Variants in TMEM131 observed in about 807,000 individuals in gnomAD.
The protein encoded by TMEM131 is transmembrane protein 131.
A neutral mutation model predicts 211.6 loss-of-function variants in TMEM131; 66 were observed. That is an observed-to-expected ratio of 0.31 (90% confidence interval 0.26 to 0.38). The LOEUF is 0.38. Ranked by LOEUF, TMEM131 falls within the 10% of genes least tolerant of loss-of-function variation. The pLI, the probability that TMEM131 is intolerant of heterozygous loss-of-function variation, is 1.00. For missense variants in TMEM131, 2,036 were observed against 2,299.3 expected (o/e 0.89, Z 2.34); for synonymous variants, 844 against 841.3 (o/e 1.00, Z -0.06).
chr2:97,963,934 T>G (rs1490766270), intron 1 of TMEM131, among the ~76,000 whole-genome samples: 1 of 152,246 alleles, frequency 6.6e-6, no homozygotes, highest in Non-Finnish European at 1.5e-5. Flanking sequence ...AATTAATATT[T>G]GGAAGAATAA....
chr2:97,826,028 G>A (rs987494447), intron 11 of TMEM131, among the ~76,000 whole-genome samples: 31 of 152,194 alleles, frequency 2.0e-4, no homozygotes, highest in Admixed American at 2.0e-3. Context: ...AGAGGATGGG[G>A]AACCAATCGA....
chr2:97,781,070 C>A (rs1307694059), intron 31 of TMEM131, among the ~76,000 whole-genome samples: 1 of 152,196 alleles, frequency 6.6e-6, no homozygotes, highest in East Asian at 1.9e-4. Flanking sequence ...TGCAATCATT[C>A]GGGTCTGTCT....
intron 4 of TMEM131, among the ~76,000 whole-genome samples, chr2:97,874,643 G>A (rs1178231433): frequency 6.6e-6 from 1 of 152,160 alleles, no homozygotes; most frequent in South Asian, 2.1e-4. Flanking sequence ...AAGTGAAGGA[G>A]AAATAAAATC....
At chr2:97,813,033 G>T (rs969017914) in intron 15 of TMEM131, among the ~76,000 whole-genome samples, 12 of 152,030 alleles carry the variant, frequency 7.9e-5, no homozygotes, top group African/African-American at 2.9e-4. Flanking sequence ...CTATGCTTTT[G>T]TATATATGCA....
intron 4 of TMEM131, among the ~76,000 whole-genome samples, chr2:97,882,119 A>C (rs181940386): frequency 1.3e-5 from 2 of 152,190 alleles, no homozygotes; most frequent in Non-Finnish European, 1.5e-5. Context: ...TTTCAACCAT[A>C]TCTCTCTTCA....
chr2:97,906,010 A>T (rs779108481), intron 3 of TMEM131, among the ~76,000 whole-genome samples: 3 of 152,224 alleles, frequency 2.0e-5, no homozygotes, highest in Non-Finnish European at 4.4e-5. Context: ...CTACTCTAAA[A>T]GAAAGCTGTG....
chr2:97,819,174 T>C (rs747373401), intron 11 of TMEM131, among the ~76,000 whole-genome samples: 1 of 152,198 alleles, frequency 6.6e-6, no homozygotes, highest in Non-Finnish European at 1.5e-5. Flanking sequence ...AAGGTAGTTC[T>C]GCACACTTCA....
At chr2:97,767,441 T>C (rs1269729351) in intron 33 of TMEM131, among the ~76,000 whole-genome samples, 1 of 152,200 alleles carries the variant, frequency 6.6e-6, no homozygotes, top group South Asian at 2.1e-4. Flanking sequence ...GCATTCTTTA[T>C]GAAGCCACAT....
At chr2:97,865,342 G>C (rs1674229149) in intron 4 of TMEM131, among the ~76,000 whole-genome samples, 1 of 152,238 alleles carries the variant, frequency 6.6e-6, no homozygotes, top group African/African-American at 2.4e-5. Flanking sequence ...GACAGGAATA[G>C]ATCTCCTTGT....
intron 1 of TMEM131, among the ~76,000 whole-genome samples, chr2:97,987,544 T>TA: frequency 6.6e-6 from 1 of 152,086 alleles, no homozygotes; most frequent in Non-Finnish European, 1.5e-5. Context: ...CACAAACTGT[T>TA]AGAACTAACG....
intron 31 of TMEM131, 41 bp from the exon 32 acceptor site, chr2:97,776,059 TTC>T: frequency 6.3e-7 from 1 of 1,580,350 alleles, no homozygotes; most frequent in Non-Finnish European, 8.6e-7. Context: ...TTGTTTTTGT[TTC>T]TTTTTTTTTT....
chr2:97,914,192 C>G (rs958849436), intron 2 of TMEM131, among the ~76,000 whole-genome samples: 2 of 152,148 alleles, frequency 1.3e-5, no homozygotes, highest in Admixed American at 6.5e-5. Context: ...CTGTGCTTCT[C>G]TGTGTGTATG....
At chr2:97,833,474 G>A in intron 10 of TMEM131, 48 bp from the exon 11 acceptor site, 1 of 876,832 alleles carries the variant, frequency 1.1e-6, no homozygotes, top group Non-Finnish European at 1.8e-6. Context: ...GTGCTTTTTA[G>A]CCAAGTTAGA....
chr2:97,813,910 G>T (rs936071150), intron 15 of TMEM131, 61 bp downstream of exon 15: 2 of 1,314,346 alleles, frequency 1.5e-6, no homozygotes. Context: ...TGCCTAATAA[G>T]ATCTGAAAAC....
Position 97,834,794 on chromosome 2 carries a change from A to G in TMEM131, c.936T>C (p.Val312=), listed in dbSNP as rs756307430. 5.6e-6 allele frequency: 9 copies of G among 1,613,670 alleles called. No individual in the cohort carries two copies. In the Admixed American group the frequency reaches 1.5e-4, roughly 27 times the overall value. ...SDSTEFIILP[V]EVEVTTAPGI... is the part of the protein sequence containing the mutation. The stretch of plus-strand genomic sequence containing the variant: ...ACTAACCTGTTGTAACTTCAACCTC[A>G]ACAGGAAGAATGATAAACTCTGTGC... The change falls in exon 9 of 41, where the codon GTT becomes GTC. Residue 312 remains valine, a synonymous_variant. Coordinates refer to ENST00000186436, the MANE Select transcript of TMEM131 (RefSeq NM_015348.2).
chr2:97,892,549 T>C (rs535570855), intron 3 of TMEM131, among the ~76,000 whole-genome samples: 1 of 152,054 alleles, frequency 6.6e-6, no homozygotes, highest in Admixed American at 6.6e-5. Flanking sequence ...TTTTTGTAGA[T>C]ACAGGGTGTC....
chr2:97,865,847 A>G (rs1183634191), intron 4 of TMEM131, among the ~76,000 whole-genome samples: 1 of 152,154 alleles, frequency 6.6e-6, no homozygotes, highest in African/African-American at 2.4e-5. Context: ...TCCTTAAGTA[A>G]AGCTATGTGG....
At position 97,793,583 on chromosome 2, in the gene TMEM131, G is replaced by A. The variant is rs199907406; in HGVS notation, c.3387-30C>T. On this transcript the variant is annotated intron_variant, in intron 29 of 40. Coordinates refer to ENST00000186436, the MANE Select transcript of TMEM131 (RefSeq NM_015348.2). ...AGGGGTAAAAAAAATTGGAAAATCA[G>A]GATTCATTTGTTAGTAGACAAGCAA... is the stretch of plus-strand genomic sequence containing the variant. 2.2e-4 allele frequency: 350 copies of A among 1,571,632 alleles called. 1 individual carries two copies. The highest frequency in any genetic ancestry group is 2.5e-5 in the Non-Finnish European group (29 of 1,156,394).
At chr2:97,761,031 AGAGCATC>A in intron 36 of TMEM131, 117 bp from the exon 37 acceptor site, 1 of 1,378,040 alleles carries the variant, frequency 7.3e-7, no homozygotes, top group Non-Finnish European at 1.0e-6. Flanking sequence ...GGCAGCTCAC[AGAGCATC>A]GCTCAGCCTC....
Sources: gnomAD v4.1 joint callset for allele counts (sites outside exome capture counted in the v4.1 genomes callset) on GRCh38, gnomAD v4.1.1 for gene constraint, MANE v1.5 for transcripts, NCBI Gene and HGNC (gene_info 2026-07-23, HGNC 2026-07-21) for gene names.